The following GLT1D1 variants were observed in gnomAD, a reference collection of about 807,000 sequenced individuals.
GLT1D1 encodes glycosyltransferase 1 domain-containing protein 1.
In GLT1D1, 21 loss-of-function variants were observed where a neutral mutation model predicts 28.7. The ratio of observed to expected loss-of-function variants is 0.73; its 90% CI spans 0.52 to 1.05. The LOEUF is 1.05. Ranked by LOEUF, GLT1D1 falls within the 50% of genes least tolerant of loss-of-function variation. The pLI, the probability that GLT1D1 is intolerant of heterozygous loss-of-function variation, is 0.00. For missense variants in GLT1D1, 343 were observed against 330.6 expected, an observed-to-expected ratio of 1.04 and a Z score of -0.29; for synonymous variants, 147 against 124.8, an observed-to-expected ratio of 1.18 and a Z score of -1.19.
At chr12:128,930,273 TGGCTAATCAAGAGAGAA>T (rs1873720774) in intron 4 of GLT1D1, 1 of 152,246 alleles carries the variant, frequency 6.6e-6, no homozygotes, top group Non-Finnish European at 1.5e-5. Flanking sequence ...GCTAAAATTC[TGGCTAATCAAGAGAGAA>T]GGCCTCAGAC....
At chr12:128,959,411 T>TGGGCGGGG (rs1387226947) in intron 7 of GLT1D1, among the ~76,000 whole-genome samples, 2 of 31,540 alleles carry the variant, frequency 6.3e-5, no homozygotes, top group African/African-American at 1.1e-4. Context: ...CATGAGGCAG[T>TGGGCGGGG]GGGGGGGGAC....
At chr12:128,856,044 G>T (rs916297468) in intron 1 of GLT1D1, among the ~76,000 whole-genome samples, 2 of 152,102 alleles carry the variant, frequency 1.3e-5, no homozygotes, top group Admixed American at 6.6e-5. Context: ...GAGCAACTTC[G>T]CCTGGCCTTG....
intron 6 of GLT1D1, among the ~76,000 whole-genome samples, 161 bp from the exon 11 acceptor site, chr12:128,957,384 A>G (rs75668690): frequency 0.012 from 1,864 of 152,336 alleles, 13 homozygotes; most frequent in Non-Finnish European, 0.021. Context: ...TTTTGAAAAC[A>G]TGCTGTTGAG....
chr12:128,921,402 A>G (rs1038053163), intron 4 of GLT1D1, among the ~76,000 whole-genome samples: 2 of 152,072 alleles, frequency 1.3e-5, no homozygotes, highest in African/African-American at 4.8e-5. Context: ...AGGGACCAGC[A>G]CTTTTAAACA....
intron 7 of GLT1D1, among the ~76,000 whole-genome samples, chr12:128,980,076 G>A (rs1182701212): frequency 6.6e-6 from 1 of 152,200 alleles, no homozygotes; most frequent in African/African-American, 2.4e-5. Context: ...CTTGCCCCAC[G>A]GCCTGGCAAC....
intron 4 of GLT1D1, 46 bp from the exon 8 acceptor site, chr12:128,927,059 T>C (rs1566139932): frequency 7.0e-7 from 1 of 1,429,584 alleles, no homozygotes; most frequent in Admixed American, 2.0e-5. Context: ...CAGCTGTGAC[T>C]TAAACCCATT....
intron 2 of GLT1D1, 129 bp downstream of exon 2, chr12:128,876,191 C>A: frequency 1.2e-6 from 1 of 807,556 alleles, no homozygotes; most frequent in Non-Finnish European, 1.9e-6. Flanking sequence ...ATGCAATAAT[C>A]TCTTTGGTTT....
intron 4 of GLT1D1, chr12:128,944,901 A>C (rs561446908): frequency 6.7e-6 from 3 of 444,796 alleles, no homozygotes; most frequent in Admixed American, 7.7e-5. Context: ...GCACCCATCA[A>C]CTCGTCATTT....
intron 4 of GLT1D1, among the ~76,000 whole-genome samples, chr12:128,912,166 G>A: frequency 6.6e-6 from 1 of 152,100 alleles, no homozygotes; most frequent in Non-Finnish European, 1.5e-5. Flanking sequence ...AATTGCATTA[G>A]GCCTCATTTA....
chr12:128,903,950 C>T (rs1870574978), intron 4 of GLT1D1, among the ~76,000 whole-genome samples: 1 of 151,646 alleles, frequency 6.6e-6, no homozygotes, highest in South Asian at 2.1e-4. Flanking sequence ...AGGCTGGTCT[C>T]GAACTCCTGA....
intron 1 of GLT1D1, among the ~76,000 whole-genome samples, chr12:128,854,234 G>C (rs1956149382): frequency 6.6e-6 from 1 of 151,460 alleles, no homozygotes; most frequent in South Asian, 2.1e-4. Flanking sequence ...TCTGGTCGCT[G>C]GAACGCAAGC....
At chr12:128,964,796 G>A (rs1198680079) in intron 7 of GLT1D1, among the ~76,000 whole-genome samples, 1 of 152,182 alleles carries the variant, frequency 6.6e-6, no homozygotes, top group Non-Finnish European at 1.5e-5. Flanking sequence ...TGCAGGGTGA[G>A]GTTTAAGGAA....
chr12:128,926,784 A>G (rs1384315718), intron 4 of GLT1D1, among the ~76,000 whole-genome samples: 2 of 152,192 alleles, frequency 1.3e-5, no homozygotes, highest in African/African-American at 4.8e-5. Context: ...AGTTTTGGTT[A>G]TTGTTTAAGG....
intron 2 of GLT1D1, among the ~76,000 whole-genome samples, chr12:128,883,589 C>CAG (rs574309881): frequency 0.031 from 2,433 of 78,000 alleles, 39 homozygotes; most frequent in Middle Eastern, 0.069. Context: ...GACTCCATCT[C>CAG]AAAAAAAAAA....
chr12:128,944,496 A>G (rs1875759408), intron 4 of GLT1D1: 2 of 1,086,248 alleles, frequency 1.8e-6, no homozygotes, highest in Non-Finnish European at 2.8e-6. Flanking sequence ...CCCCTGTCAG[A>G]GCATCAATGC....
At chr12:128,858,498 C>A (rs927550876) in intron 1 of GLT1D1, among the ~76,000 whole-genome samples, 3 of 151,974 alleles carry the variant, frequency 2.0e-5, no homozygotes, top group Non-Finnish European at 1.5e-5. Context: ...ATGGTGAAAC[C>A]CCGTCTCTAC....
chr12:128,879,389 T>C (rs879859760), intron 2 of GLT1D1, among the ~76,000 whole-genome samples: 1,225 of 56,046 alleles, frequency 0.022, 18 homozygotes, highest in Middle Eastern at 0.052. Flanking sequence ...TTTCTTTCTT[T>C]CTTTCTTTCT....
chr12:128,945,146 C>A, intron 4 of GLT1D1, 180 bp from the exon 9 acceptor site: 1 of 739,030 alleles, frequency 1.4e-6, no homozygotes, highest in Non-Finnish European at 2.5e-6. Context: ...GACACAGTGC[C>A]CTTGCCCGAG....
At chr12:128,978,079 C>A (rs1302208404) in intron 7 of GLT1D1, among the ~76,000 whole-genome samples, 1 of 151,706 alleles carries the variant, frequency 6.6e-6, no homozygotes, top group Non-Finnish European at 1.5e-5. Flanking sequence ...GTCCCCGCAC[C>A]CGGCCTGTGA....
Sources: gnomAD v4.1 joint callset for allele counts (sites outside exome capture counted in the v4.1 genomes callset) on GRCh38, gnomAD v4.1.1 for gene constraint, MANE v1.5 for transcripts, NCBI Gene and HGNC (gene_info 2026-07-23, HGNC 2026-07-21) for gene names.